ZNF407: variants seen among roughly 807,000 people sequenced by gnomAD.
ZNF407 encodes zinc finger protein 407.
Under a neutral mutation model 131.2 loss-of-function variants are expected in ZNF407, and 17 were observed. That is an observed-to-expected ratio of 0.13 (90% CI 0.09 to 0.19). ZNF407 has a LOEUF of 0.19. Ranked by LOEUF, ZNF407 falls within the 10% of genes least tolerant of loss-of-function variation. ZNF407 has a pLI of 1.00. For missense variants in ZNF407, 2,681 were observed against 2,830.6 expected, an observed-to-expected ratio of 0.95 and a Z score of 1.20; for synonymous variants, 1,156 against 1,062.0, an observed-to-expected ratio of 1.09 and a Z score of -1.72.
At chr18:74,889,286 C>CTGTG (rs1389838590) in intron 6 of ZNF407, among the ~76,000 whole-genome samples, 1 of 151,792 alleles carries the variant, frequency 6.6e-6, no homozygotes, top group Non-Finnish European at 1.5e-5. Flanking sequence ...GTCTGTCTGT[C>CTGTG]TGTCTGTCTA....
Position 74,924,535 on chromosome 18 carries a change from G to C in ZNF407, c.5428+3843G>C. On this transcript the variant is annotated intron_variant, in intron 8 of 8. Transcript: ENST00000299687. ...AAATTATCTTGATTTGATCTCTTCA[G>C]TTTTAACAATTATATTTCTACCATG... Among the ~76,000 whole-genome samples, 3 of 152,234 alleles carry C rather than the reference G, an allele frequency of 2.0e-5. 1 individual carries two copies. In the Middle Eastern group the frequency reaches 0.01, roughly 518 times the overall value.
Position 74,635,245 on chromosome 18 carries a change from G to C in ZNF407, c.4226G>C (p.Gly1409Ala). ...KKKKSEGSSI[G>A]ESTRIRCDDC... The stretch of plus-strand genomic sequence containing the variant: ...AAGAAATCTGAGGGCAGTTCCATTG[G>C]TGAGTCTACACGAATTCGCTGTGAT... The change falls in exon 2 of 9, where the codon GGT becomes GCT. Residue 1409 changes from glycine to alanine, a missense_variant. Transcript: ENST00000299687. The surrounding 1 kb of genome is among the most constrained non-coding windows in gnomAD (Gnocchi z 4.7). The C allele has an allele frequency of 1.9e-6, 3 of 1,613,986 alleles. No homozygotes were observed. The highest frequency in any genetic ancestry group is 2.5e-6 in the Non-Finnish European group (3 of 1,179,888).
At chr18:74,733,383 T>C (rs1968338509) in intron 3 of ZNF407, among the ~76,000 whole-genome samples, 2 of 152,164 alleles carry the variant, frequency 1.3e-5, no homozygotes, top group African/African-American at 4.8e-5. Context: ...TTTTTTATTA[T>C]AAGATTTCTT....
intron 6 of ZNF407, among the ~76,000 whole-genome samples, chr18:74,888,973 A>G (rs1446654459): frequency 6.6e-6 from 1 of 152,226 alleles, no homozygotes; most frequent in Admixed American, 6.5e-5. Flanking sequence ...AACAGACCAC[A>G]TACACAATGG....
Position 74,633,110 on chromosome 18 carries a change from G to C in ZNF407, c.2091G>C (p.Val697=). The change falls in exon 2 of 9, where the codon GTG becomes GTC. Residue 697 remains valine (V), a synonymous_variant. Coordinates refer to ENST00000299687, the MANE Select transcript of ZNF407 (RefSeq NM_017757.3). ...CCAGGGTAAGCCATGGTAATGAAGT[G>C]AGGCATTCCAGTAAGCCTCAGTTTC... ...LKSRVSHGNE[V]RHSSKPQFQC... is the part of the protein sequence containing the mutation. 6.2e-7 allele frequency: 1 copy of C among 1,613,500 alleles called. No individual in the cohort carries two copies. The highest frequency in any genetic ancestry group is 1.3e-5 in the African/African-American group (1 of 74,984).
chr18:74,773,090 G>A (rs1181226213), intron 3 of ZNF407, among the ~76,000 whole-genome samples: 2 of 152,112 alleles, frequency 1.3e-5, no homozygotes, highest in African/African-American at 2.4e-5. Flanking sequence ...GCCATGGGTG[G>A]AAATAAATAT....
At chr18:74,698,918 G>C (rs1345461732) in intron 3 of ZNF407, among the ~76,000 whole-genome samples, 1 of 152,070 alleles carries the variant, frequency 6.6e-6, no homozygotes, top group Non-Finnish European at 1.5e-5. Flanking sequence ...ATATTTAGAG[G>C]AATTGGCCAT....
chr18:74,646,319 T>G (rs569114113), intron 3 of ZNF407, among the ~76,000 whole-genome samples: 2 of 152,310 alleles, frequency 1.3e-5, no homozygotes, highest in South Asian at 4.1e-4. Flanking sequence ...GCTGGTTGTT[T>G]TGGTTAAAGA....
At chr18:74,902,748 G>T (rs1351021437) in intron 7 of ZNF407, among the ~76,000 whole-genome samples, 1 of 152,150 alleles carries the variant, frequency 6.6e-6, no homozygotes, top group Admixed American at 6.5e-5. Context: ...AGCAACTGTA[G>T]ACTTAGGGAG....
chr18:74,797,398 C>T (rs1024205054), intron 4 of ZNF407, among the ~76,000 whole-genome samples: 2 of 152,206 alleles, frequency 1.3e-5, no homozygotes, highest in Non-Finnish European at 2.9e-5. Context: ...TTGTCTGTGA[C>T]CTGCCTCGCT....
intron 3 of ZNF407, among the ~76,000 whole-genome samples, chr18:74,682,921 T>C (rs1256573212): frequency 6.6e-6 from 1 of 152,226 alleles, no homozygotes; most frequent in Non-Finnish European, 1.5e-5. Context: ...TTTCTGTGCA[T>C]GTATGCACAC....
chr18:74,749,520 T>G lies in ZNF407; in HGVS notation c.4803-31908T>G, dbSNP rs139054392. Among the ~76,000 whole-genome samples the G allele has an allele frequency of 3.3e-3, 501 of 152,314 alleles. 3 individuals are homozygous for G. Among genetic ancestry groups the G allele is most frequent in the African/African-American group, 0.011 (471 of 41,576 alleles). On this transcript the variant is annotated intron_variant, in intron 3 of 8. Coordinates refer to ENST00000299687, the MANE Select transcript of ZNF407 (RefSeq NM_017757.3). ...ATAAAACCTAACTGAGATACCGTTT[T>G]TTAAGAATCCATACTGTCTTTGTTA...
At chr18:74,721,580 T>C (rs1481179697) in intron 3 of ZNF407, among the ~76,000 whole-genome samples, 2 of 152,206 alleles carry the variant, frequency 1.3e-5, no homozygotes, top group Non-Finnish European at 2.9e-5. Context: ...AAATCTATAG[T>C]GTTTCTGTGA....
At chr18:74,931,963 C>T (rs1289474898) in intron 8 of ZNF407, among the ~76,000 whole-genome samples, 1 of 151,996 alleles carries the variant, frequency 6.6e-6, no homozygotes, top group Non-Finnish European at 1.5e-5. Context: ...CAAATATTTT[C>T]TCCTAGTCTG....
chr18:74,689,157 A>G (rs1196730345), intron 3 of ZNF407, among the ~76,000 whole-genome samples: 1 of 152,000 alleles, frequency 6.6e-6, no homozygotes, highest in Non-Finnish European at 1.5e-5. Flanking sequence ...TAGGTCCTTC[A>G]TTTCTTTCAT....
At chr18:74,829,238 C>A (rs1448542210) in intron 4 of ZNF407, among the ~76,000 whole-genome samples, 1 of 152,122 alleles carries the variant, frequency 6.6e-6, no homozygotes, top group African/African-American at 2.4e-5. Context: ...TAATTTTTTG[C>A]TTTATGCTTT....
chr18:74,755,581 G>GTTTTTTT (rs1568199573), intron 3 of ZNF407, among the ~76,000 whole-genome samples: 1 of 31,038 alleles, frequency 3.2e-5, no homozygotes, highest in African/African-American at 6.5e-5. Flanking sequence ...CCTCCTTTCT[G>GTTTTTTT]GTTTTTTTTT....
intron 4 of ZNF407, among the ~76,000 whole-genome samples, chr18:74,874,590 A>G (rs1971130717): frequency 6.6e-6 from 1 of 152,190 alleles, no homozygotes; most frequent in East Asian, 1.9e-4. Context: ...GGGACTGTGC[A>G]TCTCCCGTCT....
chr18:74,953,801 T>C (rs1314587000), intron 8 of ZNF407, among the ~76,000 whole-genome samples: 3 of 152,194 alleles, frequency 2.0e-5, no homozygotes, highest in Admixed American at 2.0e-4. Flanking sequence ...TCCGATGTCA[T>C]TGTGTAGACG....
Sources: allele counts gnomAD v4.1 joint callset (sites outside exome capture counted in the v4.1 genomes callset), GRCh38; gene constraint gnomAD v4.1.1; non-coding constraint Gnocchi (gnomAD v3.1); transcripts MANE v1.5; gene names NCBI Gene and HGNC (gene_info 2026-07-23, HGNC 2026-07-21).